The following ZNF804B variants were observed in gnomAD, a reference collection of about 807,000 sequenced individuals.
The protein encoded by ZNF804B is zinc finger 804B.
ZNF804B carries 80 observed loss-of-function variants against 101.4 expected under a neutral mutation model. That is an observed-to-expected ratio of 0.79 (90% CI 0.66 to 0.95). The LOEUF is 0.95. Ranked by LOEUF, ZNF804B falls within the 40% of genes least tolerant of loss-of-function variation. The pLI, the probability that ZNF804B is intolerant of heterozygous loss-of-function variation, is 0.00. For missense variants in ZNF804B, 1,673 were observed against 1,561.9 expected, an observed-to-expected ratio of 1.07 and a Z score of -1.20; for synonymous variants, 622 against 558.8, an observed-to-expected ratio of 1.11 and a Z score of -1.59.
At chr7:88,952,151 G>A (rs550442566) in intron 1 of ZNF804B, among the ~76,000 whole-genome samples, 5 of 151,730 alleles carry the variant, frequency 3.3e-5, no homozygotes, top group Admixed American at 6.6e-5. Flanking sequence ...GATGGGTCTC[G>A]TAAAGTCCTA....
intron 1 of ZNF804B, among the ~76,000 whole-genome samples, chr7:89,212,169 T>TC (rs922495439): frequency 4.0e-4 from 61 of 152,062 alleles, no homozygotes; most frequent in African/African-American, 1.4e-3. Context: ...TGCCCAAATT[T>TC]CCATCAGGAA....
chr7:89,210,679 T>G (rs1788789512), intron 1 of ZNF804B, among the ~76,000 whole-genome samples: 1 of 152,214 alleles, frequency 6.6e-6, no homozygotes, highest in Admixed American at 6.5e-5. Context: ...ATGATCTCAT[T>G]CATTTTCATG....
intron 1 of ZNF804B, among the ~76,000 whole-genome samples, chr7:89,068,456 T>C (rs1268618316): frequency 6.6e-6 from 1 of 152,134 alleles, no homozygotes; most frequent in African/African-American, 2.4e-5. Flanking sequence ...TCACTGATTT[T>C]TCTGTAAGGA....
At chr7:88,815,029 T>C (rs182444816) in intron 1 of ZNF804B, among the ~76,000 whole-genome samples, 2 of 149,444 alleles carry the variant, frequency 1.3e-5, no homozygotes, top group Admixed American at 6.7e-5. Flanking sequence ...TTCTTATATA[T>C]ACATATATGT....
intron 1 of ZNF804B, among the ~76,000 whole-genome samples, chr7:89,100,536 A>G (rs1193461981): frequency 2.0e-5 from 3 of 152,140 alleles, no homozygotes; most frequent in Non-Finnish European, 4.4e-5. Context: ...AACCTATAGA[A>G]TGGGAGAAAA....
intron 1 of ZNF804B, among the ~76,000 whole-genome samples, chr7:89,149,780 G>A (rs1019507330): frequency 1.3e-5 from 2 of 150,932 alleles, no homozygotes; most frequent in African/African-American, 4.9e-5. Flanking sequence ...ATACCAGATT[G>A]GCAGGAGCAA....
chr7:89,332,353 G>A (rs1790998324), intron 3 of ZNF804B, among the ~76,000 whole-genome samples: 1 of 151,716 alleles, frequency 6.6e-6, no homozygotes, highest in Non-Finnish European at 1.5e-5. Context: ...GATACCAGTT[G>A]GCTTAGTATT....
At position 89,333,814 on chromosome 7, in the gene ZNF804B, G is replaced by A; in HGVS notation, c.832G>A (p.Glu278Lys). ...AAATAAAGATACACACCTTACCAAG[G>A]AAAAAGAGGTAAATATCTCACCAAG... The part of the protein sequence containing the change: ...FANKDTHLTK[E>K]KEVNISPSHL... Residue 278 changes from glutamate to lysine, a missense_variant, in exon 4 of 4, where the codon GAA becomes AAA. By Grantham distance (56) the Glu-to-Lys change is moderately conservative. Transcript: ENST00000333190. 1.9e-6 allele frequency: 3 copies of A among 1,581,798 alleles called. No individual in the cohort carries two copies. Among genetic ancestry groups the A allele is most frequent in the Non-Finnish European group, 2.6e-6 (3 of 1,160,006 alleles).
In ZNF804B at chr7:89,003,445, G is replaced by T. The variant is rs369810506; in HGVS notation, c.109-214710G>T. Among the ~76,000 whole-genome samples, 297 of 152,112 alleles carry T rather than the reference G, an allele frequency of 2.0e-3. 1 individual carries two copies. The highest frequency in any genetic ancestry group is 6.7e-3 in the African/African-American group (278 of 41,550). On this transcript the variant is annotated intron_variant, in intron 1 of 3. Coordinates refer to ENST00000333190, the MANE Select transcript of ZNF804B (RefSeq NM_181646.5). ...GTGATCTGGAACTTGCCCAATGTAT[G>T]TAAGAGCTGAGGCACATCAACAGAG...
rs112134078 is a variant in ZNF804B at position 89,116,818 on chromosome 7, A to C, written c.109-101337A>C. Reference sequence around the variant, plus strand: ...CCTAGATTCCACTAGAGTGCTATATAGTAAGTTGAATAATGGCACCAGAGA... The same window carrying C: ...CCTAGATTCCACTAGAGTGCTATATCGTAAGTTGAATAATGGCACCAGAGA... On this transcript the variant is annotated intron_variant, in intron 1 of 3. Coordinates refer to ENST00000333190, the MANE Select transcript of ZNF804B (RefSeq NM_181646.5). Among the ~76,000 whole-genome samples the C allele has an allele frequency of 9.3e-3, 1,413 of 152,310 alleles. 16 individuals carry two copies. The highest frequency in any genetic ancestry group is 0.032 in the African/African-American group (1,325 of 41,562).
chr7:88,946,567 T>G (rs1045341582), intron 1 of ZNF804B, among the ~76,000 whole-genome samples: 1 of 151,354 alleles, frequency 6.6e-6, no homozygotes, highest in African/African-American at 2.4e-5. Context: ...TTTTTTTTTT[T>G]TTTGTTTTAT....
rs1487056533 is a variant in ZNF804B at position 89,269,741 on chromosome 7, G to T, written c.249+51446G>T. 1.9e-4 allele frequency among the ~76,000 whole-genome samples: 29 copies of T among 151,938 alleles called. 1 individual carries two copies. The highest frequency in any genetic ancestry group is 6.2e-4 in the South Asian group (3 of 4,804). ...CCAGCACCTGTTGTTTCCTGACTTT[G>T]TAATGATCACCATTCTAACTGGTGT... On this transcript the variant is annotated intron_variant, in intron 2 of 3. Coordinates refer to ENST00000333190, the MANE Select transcript of ZNF804B (RefSeq NM_181646.5).
At chr7:89,178,078 A>G (rs974887276) in intron 1 of ZNF804B, among the ~76,000 whole-genome samples, 3 of 152,066 alleles carry the variant, frequency 2.0e-5, no homozygotes, top group Non-Finnish European at 4.4e-5. Flanking sequence ...TTTATTTGCT[A>G]TAAATATAGC....
intron 2 of ZNF804B, among the ~76,000 whole-genome samples, chr7:89,221,214 G>A (rs998704802): frequency 6.6e-6 from 1 of 151,886 alleles, no homozygotes. Flanking sequence ...ATAAAATGAT[G>A]ATTCAAATTC....
chr7:89,247,647 C>A (rs1246138768), intron 2 of ZNF804B, among the ~76,000 whole-genome samples: 1 of 151,978 alleles, frequency 6.6e-6, no homozygotes, highest in Non-Finnish European at 1.5e-5. Flanking sequence ...AATTAGAAGT[C>A]CTAGTCTCCA....
intron 1 of ZNF804B, among the ~76,000 whole-genome samples, chr7:89,018,607 C>T (rs1286626397): frequency 6.6e-6 from 1 of 151,980 alleles, no homozygotes; most frequent in African/African-American, 2.4e-5. Context: ...ATTAGTTTTT[C>T]AAAATTTTGA....
rs1416427838 is a variant in ZNF804B at position 89,334,114 on chromosome 7, G to A, written c.1132G>A (p.Ala378Thr). ...ACCAAACATTTACAACCATAGTGAT[G>A]CCAGGATATCTGAATGCCTGGATGA... is the stretch of plus-strand genomic sequence containing the variant. Reference protein sequence around the residue: ...SPPNIYNHSDARISECLDEFS... With the variant: ...SPPNIYNHSDTRISECLDEFS... Residue 378 changes from alanine to threonine, a missense_variant, in exon 4 of 4, where the codon GCC becomes ACC. By Grantham distance (58) the Ala-to-Thr change is moderately conservative. Transcript: ENST00000333190. The A allele has an allele frequency of 1.2e-6, 2 of 1,613,604 alleles. No homozygotes were observed. The highest frequency in any genetic ancestry group is 2.7e-5 in the African/African-American group (2 of 74,902).
At chr7:89,061,636 C>A (rs1583963020) in intron 1 of ZNF804B, among the ~76,000 whole-genome samples, 1 of 152,010 alleles carries the variant, frequency 6.6e-6, no homozygotes, top group Non-Finnish European at 1.5e-5. Flanking sequence ...AGCTGTGTAA[C>A]CTTGTGTGAG....
At chr7:88,993,709 G>A (rs538056502) in intron 1 of ZNF804B, among the ~76,000 whole-genome samples, 14 of 152,076 alleles carry the variant, frequency 9.2e-5, no homozygotes, top group African/African-American at 1.4e-4. Context: ...TCTATGTATT[G>A]TATAGACATA....
Sources: gnomAD v4.1 joint callset for allele counts (sites outside exome capture counted in the v4.1 genomes callset) on GRCh38, gnomAD v4.1.1 for gene constraint, MANE v1.5 for transcripts, NCBI Gene and HGNC (gene_info 2026-07-23, HGNC 2026-07-21) for gene names.